CHSY3: variants seen among roughly 807,000 people sequenced by gnomAD.
The protein encoded by CHSY3 is chondroitin sulfate synthase 3.
In CHSY3, 35 loss-of-function variants were observed where a neutral mutation model predicts 67.2. That is an observed-to-expected ratio of 0.52 (90% confidence interval 0.40 to 0.69). CHSY3 has a LOEUF of 0.69. CHSY3 is among the 30% of genes least tolerant of loss of function. CHSY3 has a pLI of 0.00. For missense variants in CHSY3, 1,069 were observed against 1,138.5 expected, an observed-to-expected ratio of 0.94 and a Z score of 0.88; for synonymous variants, 474 against 434.7, an observed-to-expected ratio of 1.09 and a Z score of -1.12.
intron 2 of CHSY3, among the ~76,000 whole-genome samples, chr5:130,160,155 C>G (rs1034308130): frequency 1.3e-5 from 2 of 152,146 alleles, no homozygotes; most frequent in African/African-American, 4.8e-5. Flanking sequence ...TATTTGCATT[C>G]TATTTTTATT....
At chr5:130,101,619 G>A (rs2149698898) in intron 2 of CHSY3, among the ~76,000 whole-genome samples, 1 of 152,050 alleles carries the variant, frequency 6.6e-6, no homozygotes, top group Non-Finnish European at 1.5e-5. Flanking sequence ...TACTGTCTTA[G>A]CAATTTTCAG....
chr5:129,976,938 T>C (rs558980105), intron 2 of CHSY3, among the ~76,000 whole-genome samples: 78 of 148,240 alleles, frequency 5.3e-4, no homozygotes, highest in African/African-American at 1.8e-3. Flanking sequence ...ATATATGATA[T>C]TACTATGTAT....
intron 2 of CHSY3, among the ~76,000 whole-genome samples, chr5:130,032,389 TA>T (rs1424627791): frequency 1.3e-5 from 2 of 152,130 alleles, no homozygotes; most frequent in Non-Finnish European, 2.9e-5. Flanking sequence ...GTTTGGATAA[TA>T]AGGTGTTTAA....
In CHSY3 at chr5:129,932,103, C is replaced by CATATATAT. The variant is rs33960181; in HGVS notation, c.1086+23776_1086+23783dup. Among the ~76,000 whole-genome samples the CATATATAT allele has an allele frequency of 4.0e-3, 464 of 114,734 alleles. 2 individuals are homozygous for CATATATAT. Among genetic ancestry groups the CATATATAT allele is most frequent in the Non-Finnish European group, 4.8e-3 (282 of 59,112 alleles). The allele number at this position is 114,734 out of a possible 152,430, so 75.3% of individuals were successfully genotyped here. A position where few individuals can be genotyped will look rare whatever the true frequency, so the allele number is the denominator to read the frequency against. On this transcript the variant is annotated intron_variant, in intron 2 of 2. Transcript: ENST00000305031. ...CCATATGTAATGTAAACCATAAAAC[C>CATATATAT]ATATATATATATATATATATATATA...
In CHSY3 at chr5:130,046,771, G is replaced by GT. The variant is rs746638582; in HGVS notation, c.1087-137451dup. On this transcript the variant is annotated intron_variant, in intron 2 of 2. Transcript: ENST00000305031. ...TACCTTGCATAAAATCAGCATTTCAGTTTTTTTAAATTTACTATTAAAAAT... is the reference window on the plus strand; with the variant it reads ...TACCTTGCATAAAATCAGCATTTCAGTTTTTTTTAAATTTACTATTAAAAAT... Among the ~76,000 whole-genome samples the GT allele has an allele frequency of 6.6e-5, 10 of 151,996 alleles. No individual in the cohort carries two copies. The South Asian group carries it at 1.2e-3, about 19-fold the overall frequency.
Position 129,922,263 on chromosome 5 carries a change from C to T in CHSY3, c.1086+13903C>T, listed in dbSNP as rs148391990. Reference sequence around the variant, plus strand: ...ATGGATACTTAGGTTGATCCCATATCTTGGCTATTGTGGGTAATTCCGTAA... The same window carrying T: ...ATGGATACTTAGGTTGATCCCATATTTTGGCTATTGTGGGTAATTCCGTAA... On this transcript the variant is annotated intron_variant, in intron 2 of 2. Coordinates refer to ENST00000305031, the MANE Select transcript of CHSY3 (RefSeq NM_175856.5). Among the ~76,000 whole-genome samples, 748 of 152,308 alleles carry T rather than the reference C, an allele frequency of 4.9e-3. 9 individuals are homozygous for T. Among genetic ancestry groups the T allele is most frequent in the African/African-American group, 0.017 (711 of 41,556 alleles).
At chr5:130,135,472 G>T (rs143967702) in intron 2 of CHSY3, among the ~76,000 whole-genome samples, 1 of 151,942 alleles carries the variant, frequency 6.6e-6, no homozygotes, top group African/African-American at 2.4e-5. Flanking sequence ...CATTTTAACC[G>T]TTGGAAATAA....
intron 2 of CHSY3, among the ~76,000 whole-genome samples, chr5:129,988,400 C>T (rs1490056472): frequency 6.6e-6 from 1 of 152,196 alleles, no homozygotes; most frequent in Admixed American, 6.5e-5. Context: ...TATTTATAAA[C>T]ACTGGTAAAG....
Position 129,959,007 on chromosome 5 carries a change from G to A in CHSY3, c.1086+50647G>A, listed in dbSNP as rs554338168. On this transcript the variant is annotated intron_variant, in intron 2 of 2. Coordinates refer to ENST00000305031, the MANE Select transcript of CHSY3 (RefSeq NM_175856.5). ...TAATCTAGTTTGTTAGCTAAACATA[G>A]CAAACTCTACTATTCATTCAAATTT... 2.0e-5 allele frequency among the ~76,000 whole-genome samples: 3 copies of A among 152,154 alleles called. No individual in the cohort carries two copies. The South Asian group carries it at 6.2e-4, about 32-fold the overall frequency.
At position 129,904,664 on chromosome 5, in the gene CHSY3, GT is replaced by G. The variant is rs1760162010; in HGVS notation, c.-165del. 2.7e-6 allele frequency: 3 copies of G among 1,106,862 alleles called. No individual in the cohort carries two copies. The highest frequency in any genetic ancestry group is 3.4e-6 in the Non-Finnish European group (3 of 882,010). 68.6% of individuals were successfully genotyped at this position (1,106,862 alleles called of 1,614,324 possible). On this transcript the variant is annotated 5_prime_UTR_variant, in exon 1 of 3. Transcript: ENST00000305031. ...CGGCAGGCAGCTGCAGCCCGCGGCA[GT>G]CGAGGCGTCCGCGGCGCTTCGACCT...
chr5:129,926,881 T>C (rs1026294395), intron 2 of CHSY3, among the ~76,000 whole-genome samples: 10 of 151,972 alleles, frequency 6.6e-5, no homozygotes, highest in African/African-American at 2.4e-4. Context: ...GCATGTCGAT[T>C]GTCTAACACC....
intron 2 of CHSY3, among the ~76,000 whole-genome samples, chr5:129,940,912 G>C (rs1226219464): frequency 1.3e-5 from 2 of 152,088 alleles, no homozygotes; most frequent in Admixed American, 6.6e-5. Context: ...CGCATTGAAG[G>C]TAGACTATGC....
At chr5:130,069,603 T>A (rs911469145) in intron 2 of CHSY3, among the ~76,000 whole-genome samples, 6 of 152,128 alleles carry the variant, frequency 3.9e-5, no homozygotes, top group African/African-American at 1.4e-4. Flanking sequence ...ATACAAATCT[T>A]TGCTGTCTTA....
At chr5:130,153,882 C>G (rs1769298530) in intron 2 of CHSY3, among the ~76,000 whole-genome samples, 1 of 151,728 alleles carries the variant, frequency 6.6e-6, no homozygotes, top group Non-Finnish European at 1.5e-5. Context: ...ATTGCACATA[C>G]CATAGAAATT....
intron 2 of CHSY3, among the ~76,000 whole-genome samples, chr5:129,994,426 TC>T (rs1372822935): frequency 2.0e-5 from 3 of 152,152 alleles, no homozygotes; most frequent in Non-Finnish European, 4.4e-5. Flanking sequence ...TATTCTTTTT[TC>T]TCTAAACTTC....
chr5:129,976,278 G>A (rs1343866535), intron 2 of CHSY3, among the ~76,000 whole-genome samples: 1 of 152,110 alleles, frequency 6.6e-6, no homozygotes, highest in South Asian at 2.1e-4. Context: ...AAATTCATAA[G>A]GAATCCTAGA....
intron 2 of CHSY3, among the ~76,000 whole-genome samples, chr5:129,971,564 T>C (rs1393720074): frequency 6.6e-6 from 1 of 151,958 alleles, no homozygotes; most frequent in African/African-American, 2.4e-5. Context: ...TGTAAGTTAG[T>C]ATCATGACCT....
At chr5:129,974,361 A>G (rs1466478468) in intron 2 of CHSY3, among the ~76,000 whole-genome samples, 1 of 152,084 alleles carries the variant, frequency 6.6e-6, no homozygotes, top group Non-Finnish European at 1.5e-5. Flanking sequence ...GCGACCTTTA[A>G]TATGAGTTAG....
chr5:130,184,429 C>T lies in CHSY3; in HGVS notation c.1287C>T (p.Ala429=). 3 of 1,613,500 alleles carry T rather than the reference C, an allele frequency of 1.9e-6. No homozygotes were observed. Among genetic ancestry groups the T allele is most frequent in the South Asian group, 1.1e-5 (1 of 91,064 alleles). ...CCATCCAGCTCCACAGGGAAAGTGC[C>T]CTGATGAGCAAGCTCAGTAACACAG... ...YRTIQLHRES[A]LMSKLSNTEV... is the part of the protein sequence containing the mutation. Residue 429 remains alanine, a synonymous_variant, in exon 3 of 3, where the codon GCC becomes GCT. Transcript: ENST00000305031.
Sources: gnomAD v4.1 joint callset for allele counts (sites outside exome capture counted in the v4.1 genomes callset) on GRCh38, gnomAD v4.1.1 for gene constraint, MANE v1.5 for transcripts, NCBI Gene and HGNC (gene_info 2026-07-23, HGNC 2026-07-21) for gene names.